UNC5D: variants seen among roughly 807,000 people sequenced by gnomAD.
UNC5D encodes the protein netrin receptor UNC5D.
UNC5D carries 39 observed loss-of-function variants against 105.4 expected under a neutral mutation model. That is an observed-to-expected ratio of 0.37 (90% CI 0.29 to 0.48). The LOEUF is 0.48. Ranked by LOEUF, UNC5D falls within the 20% of genes least tolerant of loss-of-function variation. The probability of loss-of-function intolerance (pLI) is 0.98; values close to 1 mark genes in which losing one functional copy is unlikely to be tolerated. For missense variants in UNC5D, 991 were observed against 1,202.4 expected (o/e 0.82, Z 2.60); for synonymous variants, 452 against 450.4 (o/e 1.00, Z -0.04).
intron 1 of UNC5D, among the ~76,000 whole-genome samples, chr8:35,286,713 C>G (rs1037533554): frequency 6.6e-6 from 1 of 152,176 alleles, no homozygotes; most frequent in Non-Finnish European, 1.5e-5. Flanking sequence ...AGCATCTGGC[C>G]ACCACCAAAC....
At chr8:35,623,938 G>A (rs1224419462) in intron 4 of UNC5D, among the ~76,000 whole-genome samples, 2 of 152,060 alleles carry the variant, frequency 1.3e-5, no homozygotes, top group East Asian at 3.9e-4. Flanking sequence ...AAATTAGCCG[G>A]ACGTGGTGGT....
At chr8:35,293,447 A>G (rs1312337035) in intron 1 of UNC5D, among the ~76,000 whole-genome samples, 2 of 152,072 alleles carry the variant, frequency 1.3e-5, no homozygotes, top group Non-Finnish European at 2.9e-5. Context: ...TTCTGGCACT[A>G]CTTCTTTTAT....
At chr8:35,247,499 T>G (rs1188842427) in intron 1 of UNC5D, among the ~76,000 whole-genome samples, 1 of 133,764 alleles carries the variant, frequency 7.5e-6, no homozygotes, top group Admixed American at 9.1e-5. Context: ...TACTAGGAGA[T>G]CCTAAATAAC....
At chr8:35,356,333 C>T (rs1801549996) in intron 1 of UNC5D, among the ~76,000 whole-genome samples, 1 of 152,124 alleles carries the variant, frequency 6.6e-6, no homozygotes. Flanking sequence ...CTACAGTACT[C>T]CCTCCTTATC....
chr8:35,466,850 G>A (rs574917781), intron 1 of UNC5D, among the ~76,000 whole-genome samples: 17 of 152,306 alleles, frequency 1.1e-4, no homozygotes, highest in Admixed American at 5.9e-4. Context: ...CCCAAGTGCA[G>A]TATAGGCCAA....
chr8:35,759,526 C>A lies in UNC5D; in HGVS notation c.2313+57C>A, dbSNP rs1292069466. ...GCTTTGCTTTAACCGGCAAGCATGT[C>A]ACAGATCCTGGCAAGGGTCTGCTTG... On this transcript the variant is annotated intron_variant, in intron 14 of 16. Transcript: ENST00000404895. 4.5e-6 allele frequency: 7 copies of A among 1,572,008 alleles called. No homozygotes were observed. In the Admixed American group the frequency reaches 9.7e-5, roughly 22 times the overall value.
chr8:35,280,425 C>T (rs1035519423), intron 1 of UNC5D, among the ~76,000 whole-genome samples: 1 of 152,084 alleles, frequency 6.6e-6, no homozygotes, highest in Non-Finnish European at 1.5e-5. Flanking sequence ...TTGTGTCTCA[C>T]GTTATGCATT....
At chr8:35,603,787 C>T (rs1330607649) in intron 4 of UNC5D, among the ~76,000 whole-genome samples, 1 of 152,170 alleles carries the variant, frequency 6.6e-6, no homozygotes, top group Non-Finnish European at 1.5e-5. Context: ...GATCCCTTTA[C>T]TATTATGTAA....
intron 2 of UNC5D, among the ~76,000 whole-genome samples, chr8:35,554,679 A>G (rs1016024307): frequency 6.6e-6 from 1 of 152,238 alleles, no homozygotes; most frequent in Non-Finnish European, 1.5e-5. Context: ...GGAGTTATCA[A>G]TAAGCTAAAC....
chr8:35,685,221 CAATT>C (rs1236866816), intron 6 of UNC5D, among the ~76,000 whole-genome samples: 2 of 152,116 alleles, frequency 1.3e-5, no homozygotes, highest in African/African-American at 4.8e-5. Context: ...ATTTATAAGA[CAATT>C]GATAGAGACT....
intron 1 of UNC5D, among the ~76,000 whole-genome samples, chr8:35,347,227 G>T (rs1445262695): frequency 6.6e-6 from 1 of 151,998 alleles, no homozygotes; most frequent in Non-Finnish European, 1.5e-5. Flanking sequence ...TTGGCAGTGT[G>T]CTGGAACAGA....
At chr8:35,358,402 C>T (rs540083339) in intron 1 of UNC5D, among the ~76,000 whole-genome samples, 15 of 152,160 alleles carry the variant, frequency 9.9e-5, no homozygotes, top group African/African-American at 2.4e-4. Context: ...AAACACAAAA[C>T]GAAACACCGC....
In UNC5D at chr8:35,762,068, T is replaced by G. The variant is rs773503062; in HGVS notation, c.2313+2599T>G. On this transcript the variant is annotated intron_variant, in intron 14 of 16. Transcript: ENST00000404895. ...TTTCCTTCAATTGGTGAATCTCCCT[T>G]TCTCTAACTTCAAATCAGGAATCTG... is the stretch of plus-strand genomic sequence containing the variant. Among the ~76,000 whole-genome samples the G allele has an allele frequency of 2.4e-4, 36 of 152,132 alleles. 1 individual carries two copies. The highest frequency in any genetic ancestry group is 4.4e-4 in the Non-Finnish European group (30 of 68,032).
rs1808825206 is a variant in UNC5D, at chr8:35,310,876, A to G, written c.103+74989A>G. Reference sequence around the variant, plus strand: ...AGGGTTAGGGGTTCAATATATGAATACCTGGGGAACACAGTTGGGTCCATA... The same window carrying G: ...AGGGTTAGGGGTTCAATATATGAATGCCTGGGGAACACAGTTGGGTCCATA... On this transcript the variant is annotated intron_variant, in intron 1 of 16. Coordinates refer to ENST00000404895, the MANE Select transcript of UNC5D (RefSeq NM_080872.4). Among the ~76,000 whole-genome samples the G allele has an allele frequency of 2.0e-5, 3 of 152,298 alleles. No homozygotes were observed. The South Asian group carries it at 6.2e-4, about 32-fold the overall frequency.
chr8:35,605,033 C>A (rs930144266), intron 4 of UNC5D, among the ~76,000 whole-genome samples: 13 of 152,114 alleles, frequency 8.5e-5, no homozygotes, highest in Non-Finnish European at 1.9e-4. Flanking sequence ...TGAGGCCTTC[C>A]TCTCTCAACT....
chr8:35,609,624 A>G (rs1400235019), intron 4 of UNC5D, among the ~76,000 whole-genome samples: 4 of 152,212 alleles, frequency 2.6e-5, no homozygotes, highest in Admixed American at 6.5e-5. Flanking sequence ...TGATATGAGT[A>G]TACTATAGGT....
At chr8:35,744,819 G>A (rs181963437) in intron 11 of UNC5D, among the ~76,000 whole-genome samples, 17 of 152,252 alleles carry the variant, frequency 1.1e-4, no homozygotes, top group Admixed American at 4.6e-4. Flanking sequence ...TTGAGAGGCC[G>A]AGGTGGGTGG....
chr8:35,266,550 T>A (rs1157997919), intron 1 of UNC5D, among the ~76,000 whole-genome samples: 1 of 152,204 alleles, frequency 6.6e-6, no homozygotes, highest in Non-Finnish European at 1.5e-5. Context: ...CCAGTAACTA[T>A]TGTATGGGAA....
intron 4 of UNC5D, among the ~76,000 whole-genome samples, chr8:35,647,388 T>TTGTG (rs10630575): frequency 0.1 from 15,240 of 147,350 alleles, 775 homozygotes; most frequent in African/African-American, 0.13. Context: ...TCCTGTGTAT[T>TTGTG]TGTGTGTGTG....
Sources: gnomAD v4.1 joint callset for allele counts (sites outside exome capture counted in the v4.1 genomes callset) on GRCh38, gnomAD v4.1.1 for gene constraint, MANE v1.5 for transcripts, NCBI Gene and HGNC (gene_info 2026-07-23, HGNC 2026-07-21) for gene names.